NELL2: variants seen among roughly 807,000 people sequenced by gnomAD.
The protein encoded by NELL2 is protein kinase C-binding protein NELL2.
A neutral mutation model predicts 109.6 loss-of-function variants in NELL2; 41 were observed. The observed-to-expected ratio is 0.37, with a 90% confidence interval of 0.29 to 0.49. The LOEUF (loss-of-function observed/expected upper bound fraction) is 0.49, where lower values mean the gene tolerates loss of function less well. Ranked by LOEUF, NELL2 falls within the 20% of genes least tolerant of loss-of-function variation. The probability of loss-of-function intolerance (pLI) is 0.98; values close to 1 mark genes in which losing one functional copy is unlikely to be tolerated. For missense variants in NELL2, 900 were observed against 1,008.3 expected, an observed-to-expected ratio of 0.89 and a Z score of 1.45; for synonymous variants, 355 against 344.7, an observed-to-expected ratio of 1.03 and a Z score of -0.33.
intron 9 of NELL2, among the ~76,000 whole-genome samples, chr12:44,715,276 T>C (rs936348430): frequency 6.7e-6 from 1 of 148,710 alleles, no homozygotes; most frequent in Non-Finnish European, 1.5e-5. Context: ...GGGCACCCCA[T>C]CTAGGATGCT....
At chr12:44,566,744 A>G (rs1003835164) in intron 15 of NELL2, among the ~76,000 whole-genome samples, 1 of 152,234 alleles carries the variant, frequency 6.6e-6, no homozygotes, top group Admixed American at 6.5e-5. Flanking sequence ...CTATACAAAC[A>G]AGAACAATTA....
intron 9 of NELL2, among the ~76,000 whole-genome samples, chr12:44,745,588 G>A (rs913364284): frequency 3.9e-5 from 6 of 152,108 alleles, no homozygotes; most frequent in African/African-American, 1.4e-4. Context: ...AAGCTGATAA[G>A]CAACTTCAGC....
At chr12:44,884,147 G>C (rs2136862019) in intron 1 of NELL2, among the ~76,000 whole-genome samples, 1 of 151,688 alleles carries the variant, frequency 6.6e-6, no homozygotes, top group East Asian at 1.9e-4. Context: ...TATATACTAG[G>C]TAAACATGAA....
chr12:44,603,040 T>C (rs1301969872), intron 15 of NELL2, among the ~76,000 whole-genome samples: 1 of 152,156 alleles, frequency 6.6e-6, no homozygotes, highest in African/African-American at 2.4e-5. Flanking sequence ...GCAACACTCA[T>C]GTAGGCCTCA....
At chr12:44,839,346 A>G (rs1944152159) in intron 2 of NELL2, among the ~76,000 whole-genome samples, 1 of 152,214 alleles carries the variant, frequency 6.6e-6, no homozygotes, top group African/African-American at 2.4e-5. Context: ...AAATAAAAAC[A>G]AGACTATATT....
Position 44,842,107 on chromosome 12 carries a change from G to GAGA in NELL2, c.185-25972_185-25971insTCT, listed in dbSNP as rs1324065184. Among the ~76,000 whole-genome samples the GAGA allele has an allele frequency of 4.3e-3, 558 of 130,290 alleles. 7 individuals carry two copies. Among genetic ancestry groups the GAGA allele is most frequent in the African/African-American group, 0.016 (536 of 33,968 alleles). The allele number at this position is 130,290 out of a possible 152,430, so 85.5% of individuals were successfully genotyped here. A position where few individuals can be genotyped will look rare whatever the true frequency, so the allele number is the denominator to read the frequency against. Reference sequence around the variant, plus strand: ...CGGAAGGGAGGGAGGGAGGGAGGGAGGGAGGAAGGAAGGAAGGAAGGAAGG... The same window carrying GAGA: ...CGGAAGGGAGGGAGGGAGGGAGGGAGAGAGGAGGAAGGAAGGAAGGAAGGAAGG... On this transcript the variant is annotated intron_variant, in intron 2 of 19. Coordinates refer to ENST00000429094, the MANE Select transcript of NELL2 (RefSeq NM_001145108.2).
chr12:44,604,566 G>A (rs1272524404), intron 15 of NELL2, among the ~76,000 whole-genome samples: 1 of 152,068 alleles, frequency 6.6e-6, no homozygotes, highest in African/African-American at 2.4e-5. Context: ...CAACTACTAA[G>A]AGGCAGGCCT....
chr12:44,667,045 A>G (rs1947948199), intron 12 of NELL2, among the ~76,000 whole-genome samples: 1 of 152,236 alleles, frequency 6.6e-6, no homozygotes, highest in Non-Finnish European at 1.5e-5. Flanking sequence ...CTAATGAACT[A>G]AAATACTCCC....
intron 9 of NELL2, among the ~76,000 whole-genome samples, chr12:44,759,687 G>A (rs1941041226): frequency 1.3e-5 from 2 of 152,172 alleles, no homozygotes; most frequent in Admixed American, 6.5e-5. Context: ...GATAAAATGG[G>A]CTTCCAATCC....
intron 19 of NELL2, among the ~76,000 whole-genome samples, chr12:44,514,205 CAG>C (rs1312712788): frequency 6.6e-6 from 1 of 151,830 alleles, no homozygotes; most frequent in African/African-American, 2.4e-5. Flanking sequence ...AAGACACTTT[CAG>C]ATAAATAAGA....
At chr12:44,660,295 C>T (rs1270520499) in intron 13 of NELL2, among the ~76,000 whole-genome samples, 1 of 152,096 alleles carries the variant, frequency 6.6e-6, no homozygotes, top group Non-Finnish European at 1.5e-5. Context: ...ACATTTTGGG[C>T]CATGTAAATC....
rs563628373 is a variant in NELL2 at position 44,903,133 on chromosome 12, T to C, written c.38+10666A>G. Among the ~76,000 whole-genome samples, 5 of 152,136 alleles carry C rather than the reference T, an allele frequency of 3.3e-5. No individual in the cohort carries two copies. The South Asian group carries it at 1.0e-3, about 32-fold the overall frequency. On this transcript the variant is annotated intron_variant, in intron 1 of 20. Coordinates refer to the NELL2 transcript ENST00000333837. ...GGCAATCTACAGAATGGGAGAAAAT[T>C]TTTGCAATCTATCCAGTGGGGCTAA... is the stretch of plus-strand genomic sequence containing the variant.
In NELL2 at chr12:44,665,549, G is replaced by C. The variant is rs751729629; in HGVS notation, c.1379C>G (p.Thr460Ser). ...GCAGATGCACATAAAAGAACCCGGG[G>C]TGTTGACACACATTGTATTTTCACG... ...YCRENTMCVNTPGSFMCICKT... is the reference protein window; with the variant it reads ...YCRENTMCVNSPGSFMCICKT... The change falls in exon 13 of 20, where the codon ACC becomes AGC. Residue 460 changes from threonine to serine, a missense_variant. Around this residue, in one of 4 missense-constraint regions of NELL2, gnomAD observed 292 missense variants for 265.3 expected, o/e 1.10. Coordinates refer to ENST00000429094, the MANE Select transcript of NELL2 (RefSeq NM_001145108.2). 6.2e-7 allele frequency: 1 copy of C among 1,613,536 alleles called. No individual in the cohort carries two copies. Among genetic ancestry groups the C allele is most frequent in the South Asian group, 1.1e-5 (1 of 91,058 alleles).
At chr12:44,559,284 A>T (rs143565411) in intron 15 of NELL2, among the ~76,000 whole-genome samples, 46 of 149,388 alleles carry the variant, frequency 3.1e-4, no homozygotes, top group African/African-American at 5.2e-4. Flanking sequence ...TGGGCAAAAT[A>T]ACCAGCTAGC....
chr12:44,782,766 G>A (rs555935565), intron 3 of NELL2, among the ~76,000 whole-genome samples: 1 of 152,038 alleles, frequency 6.6e-6, no homozygotes, highest in South Asian at 2.1e-4. Context: ...TGATAGAATT[G>A]AAAGAATACA....
chr12:44,751,481 A>G (rs1940649753), intron 9 of NELL2, among the ~76,000 whole-genome samples: 2 of 152,146 alleles, frequency 1.3e-5, no homozygotes, highest in Non-Finnish European at 2.9e-5. Context: ...AGCTATACAA[A>G]TTTGTGTATG....
chr12:44,919,633 AGT>A (rs1945854640), intron 1 of NELL2, among the ~76,000 whole-genome samples: 1 of 152,202 alleles, frequency 6.6e-6, no homozygotes, highest in Non-Finnish European at 1.5e-5. Flanking sequence ...TAGTAATCAG[AGT>A]GACGGGTCTA....
intron 12 of NELL2, among the ~76,000 whole-genome samples, chr12:44,684,100 G>C (rs1399080006): frequency 6.6e-6 from 1 of 152,206 alleles, no homozygotes; most frequent in Non-Finnish European, 1.5e-5. Flanking sequence ...TTCAGAGCCT[G>C]TTATTGGTCT....
rs150883579 is a variant in NELL2, at chr12:44,695,790, C to T, written c.1318+7936G>A. Among the ~76,000 whole-genome samples, 606 of 152,080 alleles carry T rather than the reference C, an allele frequency of 4.0e-3. 1 individual carries two copies. The highest frequency in any genetic ancestry group is 0.014 in the African/African-American group (579 of 41,490). ...GACCAGCCTAGGCAACACAGTGAAACCATGTCTCTCCAAAAAAATTTAAAA... is the reference window on the plus strand; with the variant it reads ...GACCAGCCTAGGCAACACAGTGAAATCATGTCTCTCCAAAAAAATTTAAAA... On this transcript the variant is annotated intron_variant, in intron 12 of 19. Transcript: ENST00000429094.
Sources: gnomAD v4.1 joint callset for allele counts (sites outside exome capture counted in the v4.1 genomes callset) on GRCh38, gnomAD v4.1.1 for gene constraint, gnomAD v4.1.1 regional missense constraint, MANE v1.5 for transcripts, NCBI Gene and HGNC (gene_info 2026-07-23, HGNC 2026-07-21) for gene names.